Variants in NLRP1 observed in about 807,000 individuals in gnomAD.
NLRP1 encodes the protein NACHT, LRR and PYD domains-containing protein 1.
In NLRP1, 94 loss-of-function variants were observed where a neutral mutation model predicts 136.7. That is an observed-to-expected ratio of 0.69 (90% CI 0.58 to 0.82). The LOEUF is 0.82. Ranked by LOEUF, NLRP1 falls within the 40% of genes least tolerant of loss-of-function variation. The pLI, the probability that NLRP1 is intolerant of heterozygous loss-of-function variation, is 0.00. For synonymous variants in NLRP1, 690 were observed against 725.1 expected, an observed-to-expected ratio of 0.95 and a Z score of 0.78; for missense variants, 1,575 against 1,802.7, an observed-to-expected ratio of 0.87 and a Z score of 2.29.
At chr17:5,534,656 C>T (rs1338689883) in intron 8 of NLRP1, among the ~76,000 whole-genome samples, 1 of 152,226 alleles carries the variant, frequency 6.6e-6, no homozygotes, top group Non-Finnish European at 1.5e-5. Context: ...TGAAAGGTCT[C>T]CCTGCTTCTG....
chr17:5,528,156 A>G (rs1408851976), intron 12 of NLRP1, among the ~76,000 whole-genome samples: 1 of 152,176 alleles, frequency 6.6e-6, no homozygotes, highest in Non-Finnish European at 1.5e-5. Context: ...GACAGAGCTG[A>G]GCCCACTGAC....
rs1294248524 is a variant in NLRP1, at chr17:5,517,362, C to CGCCCCG, written c.4057+383_4057+384insCGGGGC. 6.5e-5 allele frequency among the ~76,000 whole-genome samples: 4 copies of CGCCCCG among 61,570 alleles called. 1 individual carries two copies. Among genetic ancestry groups the CGCCCCG allele is most frequent in the Middle Eastern group, 0.023 (2 of 86 alleles). The allele number at this position is 61,570 out of a possible 152,430, so 40.4% of individuals were successfully genotyped here. On this transcript the variant is annotated intron_variant, in intron 15 of 16. Coordinates refer to ENST00000572272, the MANE Select transcript of NLRP1 (RefSeq NM_033004.4). ...TAGTGCACTCTGCACCCCCCCCCCT[C>CGCCCCG]CCACATACACAGACTTTCTTCCATT...
Position 5,584,358 on chromosome 17 carries a change from G to C in NLRP1, c.-401C>G, listed in dbSNP as rs989439586. 4 of 209,226 alleles carry C rather than the reference G, an allele frequency of 1.9e-5. No homozygotes were observed. Among genetic ancestry groups the C allele is most frequent in the African/African-American group, 9.3e-5 (4 of 43,162 alleles). 13.0% of individuals were successfully genotyped at this position (209,226 alleles called of 1,614,324 possible). A position where few individuals can be genotyped will look rare whatever the true frequency, so the allele number is the denominator to read the frequency against. ...GACTCCTGAGATCAACCCTTGAGCT[G>C]CAAGGCTGAGAAGAGGTGGGGTGGG... On this transcript the variant is annotated 5_prime_UTR_variant, in exon 1 of 17. Coordinates refer to ENST00000572272, the MANE Select transcript of NLRP1 (RefSeq NM_033004.4).
Position 5,514,997 on chromosome 17 carries a change from C to A in NLRP1, c.4179G>T (p.Val1393=). 1 of 1,614,194 alleles carries A rather than the reference C, an allele frequency of 6.2e-7. No individual in the cohort carries two copies. The highest frequency in any genetic ancestry group is 8.5e-7 in the Non-Finnish European group (1 of 1,180,030). ...TGTCCAAGACAACCTCCACCGATGT[C>A]ACTCGGGCTATCAGCTGCTCTCGAT... is the stretch of plus-strand genomic sequence containing the variant. ...DQYREQLIAR[V]TSVEVVLDKL... Residue 1393 remains valine, a synonymous_variant, in exon 17 of 17, where the codon GTG becomes GTT. Transcript: ENST00000572272.
At chr17:5,550,407 T>G (rs1036981789) in intron 5 of NLRP1, among the ~76,000 whole-genome samples, 1 of 152,210 alleles carries the variant, frequency 6.6e-6, no homozygotes, top group Non-Finnish European at 1.5e-5. Context: ...TTGTATTTCT[T>G]ATTAAGTCAG....
rs1914414391 is a variant in NLRP1, at chr17:5,558,870, A to G, written c.1826T>C (p.Ile609Thr). The change falls in exon 4 of 17, where the codon ATT becomes ACT. Residue 609 changes from isoleucine to threonine, a missense_variant. Transcript: ENST00000572272. ...CAGAGGGATGGGGTGCTCTTGAAGAATACCCATCTTCAAGAAGGTGGAGAT... is the reference window on the plus strand; with the variant it reads ...CAGAGGGATGGGGTGCTCTTGAAGAGTACCCATCTTCAAGAAGGTGGAGAT... The part of the protein sequence containing the change: ...AIISTFLKMG[I>T]LQEHPIPLSY... The G allele has an allele frequency of 6.2e-7, 1 of 1,612,742 alleles. No homozygotes were observed. The highest frequency in any genetic ancestry group is 1.3e-5 in the African/African-American group (1 of 74,896).
At chr17:5,572,709 CAGAA>C (rs1567670020) in intron 3 of NLRP1, among the ~76,000 whole-genome samples, 1 of 77,200 alleles carries the variant, frequency 1.3e-5, no homozygotes, top group African/African-American at 4.1e-5. Flanking sequence ...TACTTTGTCT[CAGAA>C]AAAAAAAAAA....
downstream of NLRP1, among the ~76,000 whole-genome samples, chr17:5,512,967 G>C (rs1449297780): frequency 2.0e-5 from 3 of 152,160 alleles, no homozygotes; most frequent in Non-Finnish European, 4.4e-5. Context: ...CCCCAGCTTA[G>C]AGATCTGCAT....
downstream of NLRP1, among the ~76,000 whole-genome samples, chr17:5,513,917 A>G (rs926259311): frequency 2.6e-5 from 4 of 152,316 alleles, no homozygotes; most frequent in Admixed American, 6.5e-5. Flanking sequence ...CATTCCCACC[A>G]GCGCCATGAC....
rs61194384 is a variant in NLRP1, at chr17:5,561,426, G to GTTTTTTT, written c.653-1390_653-1384dup. Among the ~76,000 whole-genome samples, 16 of 50,406 alleles carry GTTTTTTT rather than the reference G, an allele frequency of 3.2e-4. 2 individuals carry two copies. Among genetic ancestry groups the GTTTTTTT allele is most frequent in the African/African-American group, 1.4e-3 (15 of 10,810 alleles). The allele number at this position is 50,406 out of a possible 152,430, so 33.1% of individuals were successfully genotyped here. On this transcript the variant is annotated intron_variant, in intron 3 of 16. Coordinates refer to ENST00000572272, the MANE Select transcript of NLRP1 (RefSeq NM_033004.4). ...GATAGATCAAAAAGCATGCCATGTG[G>GTTTTTTT]TTTTTTTTTTTTTTTTTTTTTTTTT...
chr17:5,539,896 A>G (rs989631707), intron 6 of NLRP1, among the ~76,000 whole-genome samples: 1 of 152,050 alleles, frequency 6.6e-6, no homozygotes, highest in Non-Finnish European at 1.5e-5. Flanking sequence ...ACCTGGGTCT[A>G]TCTGTTTTCT....
chr17:5,540,416 T>C (rs1911721776), intron 6 of NLRP1, among the ~76,000 whole-genome samples: 1 of 152,092 alleles, frequency 6.6e-6, no homozygotes, highest in Non-Finnish European at 1.5e-5. Context: ...CCTCTGCTCT[T>C]GGGGTCTCAG....
intron 5 of NLRP1, 98 bp downstream of exon 5, chr17:5,553,288 T>C: frequency 5.2e-6 from 6 of 1,151,524 alleles, no homozygotes; most frequent in Non-Finnish European, 6.0e-6. Flanking sequence ...CAACGAATAT[T>C]TGATAAATAC....
chr17:5,567,345 G>T (rs754772154), intron 3 of NLRP1, among the ~76,000 whole-genome samples: 5 of 151,754 alleles, frequency 3.3e-5, no homozygotes, highest in Non-Finnish European at 5.9e-5. Flanking sequence ...TTTTTGGTTT[G>T]AGGTTACCAT....
At chr17:5,531,173 A>AATCT (rs5819032) in intron 11 of NLRP1, among the ~76,000 whole-genome samples, 29,216 of 141,070 alleles carry the variant, frequency 0.21, 3,033 homozygotes, top group East Asian at 0.23. Context: ...TAATCTATCT[A>AATCT]ATCTATCTAT....
At chr17:5,525,605 C>A (rs926701343) in intron 12 of NLRP1, among the ~76,000 whole-genome samples, 3 of 152,280 alleles carry the variant, frequency 2.0e-5, no homozygotes, top group Non-Finnish European at 2.9e-5. Flanking sequence ...GACAGTGGGA[C>A]CCACATCACA....
At chr17:5,526,810 G>C (rs1389779421) in intron 12 of NLRP1, among the ~76,000 whole-genome samples, 1 of 152,214 alleles carries the variant, frequency 6.6e-6, no homozygotes, top group Non-Finnish European at 1.5e-5. Context: ...TGCTGGAGCT[G>C]GTCCTGCAGG....
chr17:5,531,400 G>C (rs557779062), intron 11 of NLRP1, among the ~76,000 whole-genome samples: 2 of 152,056 alleles, frequency 1.3e-5, no homozygotes, highest in Non-Finnish European at 2.9e-5. Context: ...GGTAATTTTT[G>C]TAGACACAAG....
At chr17:5,512,155 C>T (rs1907682469), downstream of NLRP1, 3 of 956,556 alleles carry the variant, frequency 3.1e-6, no homozygotes, top group South Asian at 1.3e-5. Context: ...TGTGGCCATT[C>T]GATCTGAATT....
Sources: gnomAD v4.1 joint callset for allele counts (sites outside exome capture counted in the v4.1 genomes callset) on GRCh38, gnomAD v4.1.1 for gene constraint, MANE v1.5 for transcripts, NCBI Gene and HGNC (gene_info 2026-07-23, HGNC 2026-07-21) for gene names.